Variants in PDE4D observed in about 807,000 individuals in gnomAD.
PDE4D encodes 3',5'-cyclic-AMP phosphodiesterase 4D.
PDE4D carries 24 observed loss-of-function variants against 87.4 expected under a neutral mutation model. That is an observed-to-expected ratio of 0.27 (90% CI 0.20 to 0.39). The LOEUF (loss-of-function observed/expected upper bound fraction) is 0.39, where lower values mean the gene tolerates loss of function less well. PDE4D is among the 10% of genes least tolerant of loss of function. The pLI is 1.00. For missense variants in PDE4D, 714 were observed against 1,041.0 expected, an observed-to-expected ratio of 0.69 and a Z score of 4.32; for synonymous variants, 384 against 383.2, an observed-to-expected ratio of 1.00 and a Z score of -0.02.
intron 3 of PDE4D, among the ~76,000 whole-genome samples, chr5:59,934,309 T>C (rs923524091): frequency 6.6e-6 from 1 of 152,192 alleles, no homozygotes; most frequent in Non-Finnish European, 1.5e-5. Flanking sequence ...TTGTCATTTT[T>C]GTGAGGGTTA....
chr5:60,370,816 GGAGA>G (rs1405016549), intron 1 of PDE4D, among the ~76,000 whole-genome samples: 1 of 151,608 alleles, frequency 6.6e-6, no homozygotes, highest in African/African-American at 2.4e-5. Context: ...AGAGAGGGAG[GGAGA>G]GAGAAAATGA....
intron 2 of PDE4D, among the ~76,000 whole-genome samples, chr5:60,117,540 G>T (rs957748427): frequency 6.6e-6 from 1 of 151,842 alleles, no homozygotes; most frequent in East Asian, 1.9e-4. Flanking sequence ...CTTTTTAAGA[G>T]AATTAATTAA....
At chr5:59,338,469 A>G (rs1778128351) in intron 1 of PDE4D, among the ~76,000 whole-genome samples, 2 of 152,222 alleles carry the variant, frequency 1.3e-5, no homozygotes, top group South Asian at 4.1e-4. Flanking sequence ...TGTTTAGTGT[A>G]TCTTAGGAAT....
Position 59,275,461 on chromosome 5 carries a change from C to T in PDE4D, c.456-59493G>A, listed in dbSNP as rs571038280. 46 of 1,567,488 alleles carry T rather than the reference C, an allele frequency of 2.9e-5. No homozygotes were observed. In the East Asian group the frequency reaches 8.8e-4, roughly 30 times the overall value. ...AACTATTCTGATTAATACATTCTAACTGTCTTTCTGCAAAGAAGATTTTAA... is the reference window on the plus strand; with the variant it reads ...AACTATTCTGATTAATACATTCTAATTGTCTTTCTGCAAAGAAGATTTTAA... On this transcript the variant is annotated intron_variant, in intron 1 of 14. Transcript: ENST00000340635.
intron 2 of PDE4D, among the ~76,000 whole-genome samples, chr5:60,049,779 C>T (rs1476094428): frequency 6.6e-6 from 1 of 152,194 alleles, no homozygotes; most frequent in Non-Finnish European, 1.5e-5. Flanking sequence ...AGCTGTCAGA[C>T]AAGGACATTT....
intron 1 of PDE4D, among the ~76,000 whole-genome samples, chr5:59,222,616 G>A (rs1485911748): frequency 6.6e-6 from 1 of 152,148 alleles, no homozygotes; most frequent in Non-Finnish European, 1.5e-5. Context: ...ACTGAAGCCA[G>A]GACCATCTGA....
At chr5:60,232,170 T>C (rs1018603208) in intron 1 of PDE4D, among the ~76,000 whole-genome samples, 2 of 151,946 alleles carry the variant, frequency 1.3e-5, no homozygotes, top group African/African-American at 4.8e-5. Context: ...TTGCTTCAAT[T>C]AAAGCAGTTC....
chr5:60,024,083 T>G (rs911102336), intron 2 of PDE4D, among the ~76,000 whole-genome samples: 6 of 152,170 alleles, frequency 3.9e-5, no homozygotes, highest in African/African-American at 1.4e-4. Flanking sequence ...TAAGAAAACT[T>G]ATACTACTAC....
chr5:60,129,910 A>C (rs1005115134), intron 2 of PDE4D, among the ~76,000 whole-genome samples: 1 of 152,132 alleles, frequency 6.6e-6, no homozygotes, highest in African/African-American at 2.4e-5. Context: ...CCCAAAACTC[A>C]TCTGCTGAAA....
At position 59,359,680 on chromosome 5, in the gene PDE4D, T is replaced by G. The variant is rs189974612; in HGVS notation, c.456-143712A>C. 1.2e-3 allele frequency among the ~76,000 whole-genome samples: 182 copies of G among 152,334 alleles called. 1 individual carries two copies. The highest frequency in any genetic ancestry group is 4.2e-3 in the African/African-American group (173 of 41,588). ...TTATAATACAACAAGCTGTTTATAATTTTTACTTCATGGGTATCAAAGAGT... is the reference window on the plus strand; with the variant it reads ...TTATAATACAACAAGCTGTTTATAAGTTTTACTTCATGGGTATCAAAGAGT... On this transcript the variant is annotated intron_variant, in intron 1 of 14. Transcript: ENST00000340635.
chr5:59,934,406 T>C (rs1450103570), intron 3 of PDE4D, among the ~76,000 whole-genome samples: 1 of 152,190 alleles, frequency 6.6e-6, no homozygotes, highest in East Asian at 1.9e-4. Flanking sequence ...GAGTGTCTGA[T>C]ACATGTCTAA....
chr5:59,610,386 T>A (rs998589549), intron 1 of PDE4D, among the ~76,000 whole-genome samples: 2 of 152,210 alleles, frequency 1.3e-5, no homozygotes, highest in Non-Finnish European at 2.9e-5. Flanking sequence ...TAATTAATTA[T>A]GTGTTTGTTA....
chr5:59,321,945 A>G (rs1003721585), intron 1 of PDE4D, among the ~76,000 whole-genome samples: 1 of 152,114 alleles, frequency 6.6e-6, no homozygotes, highest in African/African-American at 2.4e-5. Flanking sequence ...ATTGAATACA[A>G]CTTTATTTAT....
intron 4 of PDE4D, among the ~76,000 whole-genome samples, chr5:59,184,603 A>G (rs571487458): frequency 1.1e-3 from 172 of 152,210 alleles, no homozygotes; most frequent in African/African-American, 3.7e-3. Context: ...CCAGTTTTCC[A>G]TTTAATATTG....
At chr5:60,018,388 C>A (rs1379329404) in intron 2 of PDE4D, among the ~76,000 whole-genome samples, 2 of 152,098 alleles carry the variant, frequency 1.3e-5, no homozygotes. Context: ...CAAAACCATA[C>A]CAAAATATAA....
chr5:59,126,191 A>G (rs1222986234), intron 5 of PDE4D, among the ~76,000 whole-genome samples: 1 of 152,102 alleles, frequency 6.6e-6, no homozygotes, highest in East Asian at 1.9e-4. Flanking sequence ...GGAAGAAAGG[A>G]AAGAAGGGTT....
intron 1 of PDE4D, among the ~76,000 whole-genome samples, chr5:60,291,171 A>G (rs959891062): frequency 6.6e-6 from 1 of 152,332 alleles, no homozygotes; most frequent in Non-Finnish European, 1.5e-5. Flanking sequence ...GCCAACCTCC[A>G]TTACAGACTG....
chr5:59,498,687 G>A (rs1807680055), intron 1 of PDE4D, among the ~76,000 whole-genome samples: 3 of 151,712 alleles, frequency 2.0e-5, no homozygotes, highest in African/African-American at 7.3e-5. Flanking sequence ...ACCAAGAAAG[G>A]CATTACATAA....
chr5:59,634,388 A>C (rs549323266), intron 1 of PDE4D, among the ~76,000 whole-genome samples: 2 of 152,220 alleles, frequency 1.3e-5, no homozygotes, highest in Non-Finnish European at 2.9e-5. Context: ...AAGTGGACCT[A>C]ATAGACATCT....
Sources: gnomAD v4.1 joint callset for allele counts (sites outside exome capture counted in the v4.1 genomes callset) on GRCh38, gnomAD v4.1.1 for gene constraint, MANE v1.5 for transcripts, NCBI Gene and HGNC (gene_info 2026-07-23, HGNC 2026-07-21) for gene names.